The following SLC26A7 variants were observed in gnomAD, a reference collection of about 807,000 sequenced individuals.
SLC26A7 encodes the protein anion exchange transporter.
A neutral mutation model predicts 82.5 loss-of-function variants in SLC26A7; 59 were observed. The ratio of observed to expected loss-of-function variants is 0.72; its 90% CI spans 0.58 to 0.89. The LOEUF is 0.89. SLC26A7 is among the 40% of genes least tolerant of loss of function. SLC26A7 has a pLI of 0.00. For synonymous variants in SLC26A7, 271 were observed against 274.3 expected (o/e 0.99, Z 0.12); for missense variants, 820 against 793.0 (o/e 1.03, Z -0.41).
At chr8:91,224,092 G>T (rs1459498923) in intron 2 of SLC26A7, among the ~76,000 whole-genome samples, 1 of 151,870 alleles carries the variant, frequency 6.6e-6, no homozygotes, top group African/African-American at 2.4e-5. Context: ...CTTTTATCAA[G>T]GTTCTTAGCT....
At chr8:91,370,862 T>C (rs1563705076) in intron 15 of SLC26A7, among the ~76,000 whole-genome samples, 1 of 151,922 alleles carries the variant, frequency 6.6e-6, no homozygotes, top group Non-Finnish European at 1.5e-5. Flanking sequence ...TATACAAAAA[T>C]CTCTTATTTT....
Sources: gnomAD v4.1 joint callset for allele counts (sites outside exome capture counted in the v4.1 genomes callset) on GRCh38, gnomAD v4.1.1 for gene constraint, MANE v1.5 for transcripts, NCBI Gene and HGNC (gene_info 2026-07-23, HGNC 2026-07-21) for gene names.